The following PDE11A variants were observed in gnomAD, a reference collection of about 807,000 sequenced individuals.
PDE11A encodes the protein phosphodiesterase 11A.
In PDE11A, 100 loss-of-function variants were observed where a neutral mutation model predicts 100.5. The observed-to-expected ratio is 1.00, with a 90% CI of 0.85 to 1.18. The LOEUF is 1.18. PDE11A is among the 50% of genes most tolerant of loss of function. PDE11A has a pLI of 0.00. For synonymous variants in PDE11A, 381 were observed against 420.8 expected (o/e 0.91, Z 1.16); for missense variants, 1,141 against 1,152.6 (o/e 0.99, Z 0.15).
intron 1 of PDE11A, among the ~76,000 whole-genome samples, chr2:178,032,488 A>C (rs2105842002): frequency 6.6e-6 from 1 of 152,048 alleles, no homozygotes; most frequent in South Asian, 2.1e-4. Flanking sequence ...CATCTCAAAA[A>C]AAAAAAAAAA....
At chr2:177,798,005 AC>A (rs796419579) in intron 9 of PDE11A, among the ~76,000 whole-genome samples, 6 of 152,066 alleles carry the variant, frequency 3.9e-5, no homozygotes, top group East Asian at 1.9e-4. Flanking sequence ...TTGTGATCTG[AC>A]CCCGGGTAGC....
chr2:177,650,420 C>T (rs1452372781), intron 19 of PDE11A, among the ~76,000 whole-genome samples: 1 of 152,058 alleles, frequency 6.6e-6, no homozygotes, highest in African/African-American at 2.4e-5. Flanking sequence ...TTAAATTATC[C>T]ATTTATCTTC....
Position 177,682,357 on chromosome 2 carries a change from G to A in PDE11A, c.2346-1454C>T, listed in dbSNP as rs116401527. 3.2e-3 allele frequency among the ~76,000 whole-genome samples: 490 copies of A among 152,268 alleles called. 5 individuals carry two copies. Among genetic ancestry groups the A allele is most frequent in the African/African-American group, 0.011 (461 of 41,562 alleles). ...CCAAGCTGTAGCCCAGCCGCCTTGGGCCTATGTTCTCAGGACTTGCTGAGT... is the reference window on the plus strand; with the variant it reads ...CCAAGCTGTAGCCCAGCCGCCTTGGACCTATGTTCTCAGGACTTGCTGAGT... On this transcript the variant is annotated intron_variant, in intron 15 of 19. Transcript: ENST00000286063.
chr2:177,723,509 C>T (rs910116784), intron 12 of PDE11A, among the ~76,000 whole-genome samples: 1 of 152,104 alleles, frequency 6.6e-6, no homozygotes, highest in Admixed American at 6.6e-5. Flanking sequence ...GTGAATTCTG[C>T]AAGATCATAA....
Position 177,999,797 on chromosome 2 carries a change from C to G in PDE11A, c.1071+14505G>C, listed in dbSNP as rs543845598. On this transcript the variant is annotated intron_variant, in intron 2 of 19. Coordinates refer to ENST00000286063, the MANE Select transcript of PDE11A (RefSeq NM_016953.4). ...AAATTCTCTCCAGTGAGAGAGTTTGCTATTATATTTTAGTTTTATTTAAAC... is the reference window on the plus strand; with the variant it reads ...AAATTCTCTCCAGTGAGAGAGTTTGGTATTATATTTTAGTTTTATTTAAAC... Among the ~76,000 whole-genome samples, 5 of 152,272 alleles carry G rather than the reference C, an allele frequency of 3.3e-5. No individual in the cohort carries two copies. The East Asian group carries it at 9.6e-4, about 29-fold the overall frequency.
intron 2 of PDE11A, among the ~76,000 whole-genome samples, chr2:177,969,077 A>C (rs1165052974): frequency 6.6e-6 from 1 of 152,240 alleles, no homozygotes; most frequent in Non-Finnish European, 1.5e-5. Flanking sequence ...ACCATGGAAT[A>C]CTATGCAGCT....
At chr2:177,911,232 CAT>C (rs2084877405) in intron 2 of PDE11A, among the ~76,000 whole-genome samples, 1 of 152,114 alleles carries the variant, frequency 6.6e-6, no homozygotes, top group African/African-American at 2.4e-5. Flanking sequence ...TAGAAAATAA[CAT>C]ATCAAAATAT....
intron 15 of PDE11A, among the ~76,000 whole-genome samples, chr2:177,681,221 AGAGAAAGGAG>A (rs1266060800): frequency 1.3e-5 from 2 of 152,234 alleles, no homozygotes; most frequent in Non-Finnish European, 2.9e-5. Flanking sequence ...ACTGAAAGTC[AGAGAAAGGAG>A]GCAAGGACAA....
chr2:177,955,051 C>T (rs1453800607), intron 2 of PDE11A, among the ~76,000 whole-genome samples: 2 of 152,116 alleles, frequency 1.3e-5, no homozygotes, highest in African/African-American at 4.8e-5. Flanking sequence ...AAAGCTGCTT[C>T]CAAAAATTCC....
chr2:178,087,207 G>C (rs1160390226), intron 2 of PDE11A, among the ~76,000 whole-genome samples: 1 of 152,028 alleles, frequency 6.6e-6, no homozygotes, highest in Non-Finnish European at 1.5e-5. Context: ...ACAAAAATTA[G>C]CCAGGTGTGG....
rs556883820 is a variant in PDE11A at position 177,678,982 on chromosome 2, G to T, written c.2423+1844C>A. On this transcript the variant is annotated intron_variant, in intron 16 of 19. Transcript: ENST00000286063. ...GGGACAGTTCTGTTTAGTGGATGGTGGGGGGAAGAAGGGCTAGAAAAGACT... is the reference window on the plus strand; with the variant it reads ...GGGACAGTTCTGTTTAGTGGATGGTTGGGGGAAGAAGGGCTAGAAAAGACT... Among the ~76,000 whole-genome samples, 16 of 151,604 alleles carry T rather than the reference G, an allele frequency of 1.1e-4. No homozygotes were observed. In the South Asian group the frequency reaches 3.4e-3, roughly 32 times the overall value.
At chr2:177,893,015 C>T (rs750283791) in intron 4 of PDE11A, among the ~76,000 whole-genome samples, 2 of 152,164 alleles carry the variant, frequency 1.3e-5, no homozygotes, top group Admixed American at 1.3e-4. Context: ...TTTCAACTCC[C>T]CCCACCTGCT....
chr2:177,752,303 T>G (rs574871102), intron 10 of PDE11A, among the ~76,000 whole-genome samples: 57 of 152,312 alleles, frequency 3.7e-4, no homozygotes, highest in African/African-American at 1.3e-3. Flanking sequence ...CTTTCATTAC[T>G]CAAAAAATAC....
intron 9 of PDE11A, among the ~76,000 whole-genome samples, chr2:177,803,131 A>G (rs771015715): frequency 6.6e-6 from 1 of 152,058 alleles, no homozygotes; most frequent in East Asian, 1.9e-4. Flanking sequence ...ACTAAGCAAA[A>G]TATAGTCCAA....
chr2:177,837,753 G>T (rs1308508882), intron 6 of PDE11A, among the ~76,000 whole-genome samples: 2 of 152,168 alleles, frequency 1.3e-5, no homozygotes, highest in African/African-American at 4.8e-5. Context: ...TTCGTACACT[G>T]GTAGTAAAGT....
At chr2:177,998,053 T>G (rs1363786389) in intron 2 of PDE11A, 7 of 1,281,364 alleles carry the variant, frequency 5.5e-6, no homozygotes, top group Non-Finnish European at 8.0e-6. Context: ...CTGAGTGCAC[T>G]GTAAGAGCCT....
intron 2 of PDE11A, among the ~76,000 whole-genome samples, chr2:177,917,563 C>A (rs187138561): frequency 6.6e-6 from 1 of 152,160 alleles, no homozygotes; most frequent in South Asian, 2.1e-4. Context: ...AAATACTAGT[C>A]TTTTTCAAAC....
chr2:177,942,737 A>C (rs1038825120), intron 2 of PDE11A, among the ~76,000 whole-genome samples: 5 of 152,182 alleles, frequency 3.3e-5, no homozygotes, highest in African/African-American at 1.2e-4. Flanking sequence ...AACACATAAC[A>C]TAAAATTTAC....
At chr2:177,794,714 C>A (rs1449845795) in intron 9 of PDE11A, among the ~76,000 whole-genome samples, 3 of 152,138 alleles carry the variant, frequency 2.0e-5, no homozygotes, top group Non-Finnish European at 4.4e-5. Context: ...TACACCGACC[C>A]CCCAACACAC....
Sources: gnomAD v4.1 joint callset for allele counts (sites outside exome capture counted in the v4.1 genomes callset) on GRCh38, gnomAD v4.1.1 for gene constraint, MANE v1.5 for transcripts, NCBI Gene and HGNC (gene_info 2026-07-23, HGNC 2026-07-21) for gene names.